Variants in TMEM150B observed in about 807,000 individuals in gnomAD.
TMEM150B encodes the protein transmembrane protein 150B.
In TMEM150B, 33 loss-of-function variants were observed where a neutral mutation model predicts 25.2. That is an observed-to-expected ratio of 1.31 (90% CI 0.99 to 1.75). The LOEUF is 1.75. Among genes scored for constraint, TMEM150B ranks in the 40% most tolerant of loss-of-function variants. The pLI, the probability that TMEM150B is intolerant of heterozygous loss-of-function variation, is 0.00. For synonymous variants in TMEM150B, 133 were observed against 134.8 expected (o/e 0.99, Z 0.09); for missense variants, 322 against 306.1 (o/e 1.05, Z -0.39).
At chr19:55,312,727 C>T, downstream of TMEM150B, 1 of 1,057,790 alleles carries the variant, frequency 9.5e-7, no homozygotes, top group Non-Finnish European at 1.3e-6. Flanking sequence ...CCTCCGGCTC[C>T]AGGTCAGTCA....
chr19:55,320,934 C>T, intron 3 of TMEM150B, 35 bp downstream of exon 3: 2 of 1,609,778 alleles, frequency 1.2e-6, no homozygotes, highest in Non-Finnish European at 1.7e-6. Flanking sequence ...CCTCCACCCT[C>T]AGACCCAGGA....
At chr19:55,317,084 G>T in intron 6 of TMEM150B, 118 bp from the exon 7 acceptor site, 1 of 854,450 alleles carries the variant, frequency 1.2e-6, no homozygotes, top group Non-Finnish European at 1.8e-6. Flanking sequence ...TCCATACCCA[G>T]TGATGGGCTT....
intron 7 of TMEM150B, among the ~76,000 whole-genome samples, chr19:55,314,116 G>T (rs1307291706): frequency 6.6e-6 from 1 of 152,180 alleles, no homozygotes; most frequent in African/African-American, 2.4e-5. Flanking sequence ...CTGCCTCCCA[G>T]GTTCAAGCGA....
At chr19:55,309,975 C>G (rs2088746584), downstream of TMEM150B, among the ~76,000 whole-genome samples, 4 of 152,202 alleles carry the variant, frequency 2.6e-5, no homozygotes, top group Admixed American at 2.6e-4. Context: ...CCCCTGGACC[C>G]CGTTGAAAGG....
intron 6 of TMEM150B, among the ~76,000 whole-genome samples, chr19:55,318,746 T>C (rs1443543136): frequency 1.3e-5 from 2 of 152,222 alleles, no homozygotes; most frequent in Non-Finnish European, 2.9e-5. Flanking sequence ...GAAAGCCTGC[T>C]GCCAATGGCT....
chr19:55,323,717 G>A (rs2089263628), intron 1 of TMEM150B, among the ~76,000 whole-genome samples: 1 of 150,990 alleles, frequency 6.6e-6, no homozygotes, highest in African/African-American at 2.4e-5. Context: ...TGGCCAGGCT[G>A]GTCTCGAACT....
At chr19:55,310,451 G>A (rs1233689389), downstream of TMEM150B, among the ~76,000 whole-genome samples, 3 of 152,128 alleles carry the variant, frequency 2.0e-5, no homozygotes, top group African/African-American at 7.2e-5. This position sits in a 1 kb window ranked among gnomAD's most constrained non-coding sequence, Gnocchi z 5.0. Flanking sequence ...CTTCCCCACA[G>A]CACAGGATCT....
At chr19:55,319,430 C>CTTTTTTTTTTTTTTTTTTTTTTTTTTTTT (rs1453085176) in intron 6 of TMEM150B, 1 of 89,032 alleles carries the variant, frequency 1.1e-5, no homozygotes. Context: ...TCATCTTCTT[C>CTTTTTTTTTTTTTTTTTTTTTTTTTTTTT]TTCTTTTTTT....
At chr19:55,319,762 C>A (rs1252267216) in intron 6 of TMEM150B, 2 of 1,257,434 alleles carry the variant, frequency 1.6e-6, no homozygotes, top group Middle Eastern at 3.2e-4. Context: ...GTAATTTCAT[C>A]ATTAAATAAG....
downstream of TMEM150B, among the ~76,000 whole-genome samples, chr19:55,310,192 T>C (rs1043856374): frequency 6.6e-6 from 1 of 152,212 alleles, no homozygotes; most frequent in South Asian, 2.1e-4. The surrounding 1 kb of genome is among the most constrained non-coding windows in gnomAD (Gnocchi z 5.0). Context: ...CGTACAGTCC[T>C]GGAGGTCAGA....
In TMEM150B at chr19:55,319,638, G is replaced by T. The variant is rs561710958; in HGVS notation, c.324+401C>A. The T allele has an allele frequency of 5.3e-6, 3 of 562,566 alleles. No homozygotes were observed. The African/African-American group carries it at 6.3e-5, about 12-fold the overall frequency. 34.8% of individuals were successfully genotyped at this position (562,566 alleles called of 1,614,324 possible). On this transcript the variant is annotated intron_variant, in intron 6 of 7. Transcript: ENST00000326652. ...TTTTGTATATTTTAGGAGAGACGGG[G>T]TTTCACCATGTTGGTTGGCCAGGCT...
At chr19:55,312,632 A>C, downstream of TMEM150B, 4 of 425,910 alleles carry the variant, frequency 9.4e-6, no homozygotes, top group South Asian at 9.6e-5. Context: ...CTGGGTGCCC[A>C]GTTGCAGGGG....
chr19:55,319,832 A>T, intron 6 of TMEM150B: 1 of 1,408,904 alleles, frequency 7.1e-7, no homozygotes, highest in Non-Finnish European at 9.2e-7. Flanking sequence ...GAAGTCCTAC[A>T]TACAAACAGC....
At chr19:55,318,807 C>A (rs2089093499) in intron 6 of TMEM150B, among the ~76,000 whole-genome samples, 1 of 152,092 alleles carries the variant, frequency 6.6e-6, no homozygotes, top group Non-Finnish European at 1.5e-5. Flanking sequence ...AAATCTCAGT[C>A]ATTTCTTTTT....
At position 55,312,964 on chromosome 19, in the gene TMEM150B, T is replaced by A. The variant is rs7246479; in HGVS notation, c.597A>T (p.Leu199Phe). 6.8e-6 allele frequency: 11 copies of A among 1,613,138 alleles called. No individual in the cohort carries two copies. The South Asian group carries it at 7.7e-5, about 11-fold the overall frequency. Reference protein sequence around the residue: ...AMLLFALFGLLAVDFSALESC... With the variant: ...AMLLFALFGLFAVDFSALESC... Reference sequence around the variant, plus strand: ...TCTCCAGGGCGGAGAAGTCAACGGCTAAGAGACCGAAGAGCGCGAACAGCA... The same window carrying A: ...TCTCCAGGGCGGAGAAGTCAACGGCAAAGAGACCGAAGAGCGCGAACAGCA... The change falls in exon 8 of 8, where the codon TTA becomes TTT. Residue 199 changes from leucine to phenylalanine, a missense_variant. Physicochemically the swap from Leu to Phe is conservative, Grantham distance 22. Coordinates refer to ENST00000326652, the MANE Select transcript of TMEM150B (RefSeq NM_001282011.2).
rs1042321598 is a variant in TMEM150B, at chr19:55,320,707, C to T, written c.69-90G>A. ...AAACAAGGACTTCTAGCCCCCTCCA[C>T]CCTCAGACCAGGAGTCCAGGCCCCC... On this transcript the variant is annotated intron_variant, in intron 3 of 7. Coordinates refer to ENST00000326652, the MANE Select transcript of TMEM150B (RefSeq NM_001282011.2). 4.0e-6 allele frequency: 6 copies of T among 1,511,916 alleles called. No homozygotes were observed. The African/African-American group carries it at 4.1e-5, about 10-fold the overall frequency. 93.7% of individuals were successfully genotyped at this position (1,511,916 alleles called of 1,614,324 possible).
chr19:55,314,264 C>T (rs931813517), intron 7 of TMEM150B, among the ~76,000 whole-genome samples: 2 of 152,140 alleles, frequency 1.3e-5, no homozygotes, highest in African/African-American at 4.8e-5. Flanking sequence ...TCATGTCATC[C>T]GCCCGCCTTA....
intron 7 of TMEM150B, among the ~76,000 whole-genome samples, chr19:55,316,405 A>T (rs2089000500): frequency 6.6e-6 from 1 of 152,032 alleles, no homozygotes; most frequent in Admixed American, 6.6e-5. Context: ...GACTGTTCTT[A>T]GTATATCATT....
At chr19:55,319,590 G>T in intron 6 of TMEM150B, 1 of 239,774 alleles carries the variant, frequency 4.2e-6, no homozygotes, top group Non-Finnish European at 6.8e-6. Context: ...GGATTAAGTC[G>T]CCTGCCACCA....
Sources: allele counts gnomAD v4.1 joint callset (sites outside exome capture counted in the v4.1 genomes callset), GRCh38; gene constraint gnomAD v4.1.1; non-coding constraint Gnocchi (gnomAD v3.1); transcripts MANE v1.5; gene names NCBI Gene and HGNC (gene_info 2026-07-23, HGNC 2026-07-21).